The following COL25A1 variants were observed in gnomAD, a reference collection of about 807,000 sequenced individuals.
The protein encoded by COL25A1 is collagen alpha-1(XXV) chain.
COL25A1 carries 103 observed loss-of-function variants against 128.4 expected under a neutral mutation model. That is an observed-to-expected ratio of 0.80 (90% CI 0.68 to 0.94). COL25A1 has a LOEUF of 0.94. Ranked by LOEUF, COL25A1 falls within the 40% of genes least tolerant of loss-of-function variation. COL25A1 has a pLI of 0.00. For missense variants in COL25A1, 745 were observed against 840.0 expected (o/e 0.89, Z 1.40); for synonymous variants, 279 against 277.2 (o/e 1.01, Z -0.06).
At chr4:109,120,898 T>C (rs1217580219) in intron 3 of COL25A1, among the ~76,000 whole-genome samples, 1 of 151,064 alleles carries the variant, frequency 6.6e-6, no homozygotes, top group Non-Finnish European at 1.5e-5. Flanking sequence ...CTAAAAAAAA[T>C]GTGCAAGATC....
At position 109,282,149 on chromosome 4, in the gene COL25A1, C is replaced by T. The variant is rs989366617; in HGVS notation, c.367+18434G>A. On this transcript the variant is annotated intron_variant, in intron 3 of 37. Transcript: ENST00000399132. Reference sequence around the variant, plus strand: ...TTTTTAAAGCTAGTTCATCTCTCAACGAAATCATTTTTTTAATATGAACAC... The same window carrying T: ...TTTTTAAAGCTAGTTCATCTCTCAATGAAATCATTTTTTTAATATGAACAC... Among the ~76,000 whole-genome samples, 8 of 151,888 alleles carry T rather than the reference C, an allele frequency of 5.3e-5. No individual in the cohort carries two copies. The South Asian group carries it at 6.2e-4, about 12-fold the overall frequency.
In COL25A1 at chr4:108,869,071, G is replaced by T. The variant is rs1738364108; in HGVS notation, c.1083+17C>A. 8 of 1,481,900 alleles carry T rather than the reference G, an allele frequency of 5.4e-6. No individual in the cohort carries two copies. Among genetic ancestry groups the T allele is most frequent in the Non-Finnish European group, 7.4e-6 (8 of 1,077,894 alleles). 91.8% of individuals were successfully genotyped at this position (1,481,900 alleles called of 1,614,324 possible). A position where few individuals can be genotyped will look rare whatever the true frequency, so the allele number is the denominator to read the frequency against. On this transcript the variant is annotated intron_variant, in intron 20 of 37. Coordinates refer to ENST00000399132, the MANE Select transcript of COL25A1 (RefSeq NM_198721.4). ...AAAGAAAAAGAAAGAAAGAAGGAAA[G>T]AAAGAGGCCCACTTACTTTTGTTCC...
chr4:109,263,765 T>C (rs1228338968), intron 3 of COL25A1, among the ~76,000 whole-genome samples: 1 of 152,222 alleles, frequency 6.6e-6, no homozygotes, highest in Non-Finnish European at 1.5e-5. Flanking sequence ...TTACTTTTAC[T>C]AAATACTCTT....
chr4:108,893,054 C>A (rs541284299), intron 16 of COL25A1, among the ~76,000 whole-genome samples: 1 of 152,170 alleles, frequency 6.6e-6, no homozygotes, highest in South Asian at 2.1e-4. Context: ...TTGGTTGGCT[C>A]CAAATATGAT....
In COL25A1 at chr4:108,940,569, T is replaced by C. The variant is rs1747966024; in HGVS notation, c.642A>G (p.Lys214=). 1 of 1,613,846 alleles carries C rather than the reference T, an allele frequency of 6.2e-7. No homozygotes were observed. The highest frequency in any genetic ancestry group is 8.5e-7 in the Non-Finnish European group (1 of 1,179,804). The change falls in exon 10 of 38, where the codon AAA becomes AAG. Residue 214 remains lysine (K), a synonymous_variant. Coordinates refer to ENST00000399132, the MANE Select transcript of COL25A1 (RefSeq NM_198721.4). ...GPRGPPGDTG[K]DGPRGMPGVP... Reference sequence around the variant, plus strand: ...CTCCTGGCATTCCACGGGGGCCATCTTTCCCTGTGTCCCCAGGTGGCCCTC... The same window carrying C: ...CTCCTGGCATTCCACGGGGGCCATCCTTCCCTGTGTCCCCAGGTGGCCCTC...
intron 3 of COL25A1, among the ~76,000 whole-genome samples, chr4:109,249,828 T>C (rs1780528850): frequency 6.6e-6 from 1 of 152,216 alleles, no homozygotes; most frequent in Non-Finnish European, 1.5e-5. Flanking sequence ...AACTACTTAC[T>C]TGAGATAATT....
intron 3 of COL25A1, among the ~76,000 whole-genome samples, chr4:109,178,758 C>T (rs1482372113): frequency 2.0e-5 from 3 of 149,010 alleles, no homozygotes; most frequent in African/African-American, 7.6e-5. Context: ...TGGCGTGAAC[C>T]CAGGAGGCAG....
rs189608565 is a variant in COL25A1, at chr4:108,936,750, T to C, written c.708+1058A>G. Among the ~76,000 whole-genome samples, 141 of 150,526 alleles carry C rather than the reference T, an allele frequency of 9.4e-4. 3 individuals carry two copies. Among genetic ancestry groups the C allele is most frequent in the Admixed American group, 9.2e-3 (138 of 15,072 alleles). On this transcript the variant is annotated intron_variant, in intron 11 of 37. Coordinates refer to ENST00000399132, the MANE Select transcript of COL25A1 (RefSeq NM_198721.4). Reference sequence around the variant, plus strand: ...ACAATCCAAGCCCAAAGAAGCCTTGTTGATTCCTGACTCTATGCATTAGTT... The same window carrying C: ...ACAATCCAAGCCCAAAGAAGCCTTGCTGATTCCTGACTCTATGCATTAGTT...
Position 109,300,590 on chromosome 4 carries a change from G to T in COL25A1, c.360C>A (p.Cys120Ter). Residue 120 changes from cysteine to a stop codon, truncating the protein, a stop_gained, in exon 3 of 38, where the codon TGC becomes TGA. Transcript: ENST00000399132. LOFTEE classifies it high-confidence loss of function. The stretch of plus-strand genomic sequence containing the variant: ...AAATAAGTTCCATTTTACCTGCTGG[G>T]CAGTTACATTCTGAAGGTGCTTCTC... ...IAREAPSECNCPAGPPGKRGK... is the reference protein window; with the variant it reads ...IAREAPSECN 6.2e-7 allele frequency: 1 copy of T among 1,606,804 alleles called. No homozygotes were observed. Among genetic ancestry groups the T allele is most frequent in the Non-Finnish European group, 8.5e-7 (1 of 1,173,354 alleles).
chr4:108,831,314 T>C (rs1308494683), intron 32 of COL25A1, among the ~76,000 whole-genome samples: 1 of 152,126 alleles, frequency 6.6e-6, no homozygotes, highest in Non-Finnish European at 1.5e-5. Flanking sequence ...AGAGTTTCCA[T>C]TTCACACTAG....
intron 3 of COL25A1, among the ~76,000 whole-genome samples, chr4:109,274,711 T>C (rs1470989884): frequency 6.6e-6 from 1 of 152,198 alleles, no homozygotes; most frequent in Non-Finnish European, 1.5e-5. Flanking sequence ...AAAATATTAA[T>C]TGGAAAATGA....
At chr4:109,223,862 T>C (rs974028829) in intron 3 of COL25A1, among the ~76,000 whole-genome samples, 10 of 152,292 alleles carry the variant, frequency 6.6e-5, no homozygotes, top group African/African-American at 2.2e-4. Context: ...TACAAACTAG[T>C]GTGTGACAAG....
intron 19 of COL25A1, among the ~76,000 whole-genome samples, chr4:108,869,961 T>A (rs1738500813): frequency 1.3e-5 from 2 of 152,066 alleles, no homozygotes; most frequent in Non-Finnish European, 2.9e-5. Flanking sequence ...TAAGACATGA[T>A]AAAATGTCAG....
intron 3 of COL25A1, among the ~76,000 whole-genome samples, chr4:109,222,946 G>A (rs1321722437): frequency 6.6e-6 from 1 of 152,154 alleles, no homozygotes; most frequent in Non-Finnish European, 1.5e-5. Flanking sequence ...CTAACAATAA[G>A]TGTGAGTGGT....
chr4:109,288,960 TATACAC>T lies in COL25A1; in HGVS notation c.367+11617_367+11622del, dbSNP rs1417463495. On this transcript the variant is annotated intron_variant, in intron 3 of 37. Coordinates refer to ENST00000399132, the MANE Select transcript of COL25A1 (RefSeq NM_198721.4). ...TTACTACCAGGAATACTAAATTATATATACACACACACACACACACACACACACACA... is the reference window on the plus strand; with the variant it reads ...TTACTACCAGGAATACTAAATTATATACACACACACACACACACACACACA... Among the ~76,000 whole-genome samples, 754 of 98,316 alleles carry T rather than the reference TATACAC, an allele frequency of 7.7e-3. 12 individuals carry two copies. Among genetic ancestry groups the T allele is most frequent in the African/African-American group, 0.024 (550 of 22,714 alleles). The allele number at this position is 98,316 out of a possible 152,430, so 64.5% of individuals were successfully genotyped here.
At chr4:108,956,176 T>C (rs990850367) in intron 8 of COL25A1, among the ~76,000 whole-genome samples, 2 of 152,188 alleles carry the variant, frequency 1.3e-5, no homozygotes, top group Non-Finnish European at 2.9e-5. Context: ...TAATTTTATT[T>C]AGTTTTTTAA....
At chr4:109,091,540 G>A (rs1463914953) in intron 3 of COL25A1, among the ~76,000 whole-genome samples, 1 of 151,916 alleles carries the variant, frequency 6.6e-6, no homozygotes, top group African/African-American at 2.4e-5. Flanking sequence ...TGTCTATCTA[G>A]CCTATACTTT....
chr4:109,239,417 T>TAG lies in COL25A1; in HGVS notation c.367+61165_367+61166insCT. On this transcript the variant is annotated intron_variant, in intron 3 of 37. Transcript: ENST00000399132. ...GTGTATATATATATATATATATATA[T>TAG]ATATATTTATTTATTTATTTATTTA... 2.9e-5 allele frequency among the ~76,000 whole-genome samples: 4 copies of TAG among 138,448 alleles called. No individual in the cohort carries two copies. The South Asian group carries it at 8.8e-4, about 30-fold the overall frequency. 90.8% of individuals were successfully genotyped at this position (138,448 alleles called of 152,430 possible). A position where few individuals can be genotyped will look rare whatever the true frequency, so the allele number is the denominator to read the frequency against.
chr4:109,069,297 G>A (rs375433224), intron 3 of COL25A1, among the ~76,000 whole-genome samples: 3 of 150,776 alleles, frequency 2.0e-5, no homozygotes, highest in African/African-American at 4.9e-5. Context: ...CTGCAGCCTC[G>A]ACCTCCCTGG....
Sources: allele counts gnomAD v4.1 joint callset (sites outside exome capture counted in the v4.1 genomes callset), GRCh38; gene constraint gnomAD v4.1.1; transcripts MANE v1.5; gene names NCBI Gene and HGNC (gene_info 2026-07-23, HGNC 2026-07-21).